Variants in GLYATL2 observed in about 807,000 individuals in gnomAD.
The protein encoded by GLYATL2 is glycine N-acyltransferase-like protein 2.
In GLYATL2, 25 loss-of-function variants were observed where a neutral mutation model predicts 21.4. The ratio of observed to expected loss-of-function variants is 1.17; its 90% CI spans 0.85 to 1.63. GLYATL2 has a LOEUF of 1.63. GLYATL2 is among the 40% of genes most tolerant of loss of function. The probability of loss-of-function intolerance (pLI) is 0.00; values close to 1 mark genes in which losing one functional copy is unlikely to be tolerated. For synonymous variants in GLYATL2, 114 were observed against 118.2 expected, an observed-to-expected ratio of 0.96 and a Z score of 0.23; for missense variants, 361 against 343.3, an observed-to-expected ratio of 1.05 and a Z score of -0.41.
chr11:58,862,477 T>C (rs1424452345), intron 1 of GLYATL2, among the ~76,000 whole-genome samples: 2 of 152,198 alleles, frequency 1.3e-5, no homozygotes, highest in Non-Finnish European at 2.9e-5. Flanking sequence ...ATAATTACCA[T>C]AGGATTTATT....
At chr11:58,842,106 A>G (rs922976226) in intron 1 of GLYATL2, among the ~76,000 whole-genome samples, 6 of 152,200 alleles carry the variant, frequency 3.9e-5, no homozygotes, top group Admixed American at 2.6e-4. Flanking sequence ...CAGGACATAG[A>G]AAGGTGACAG....
chr11:58,864,079 G>T (rs540434600), intron 1 of GLYATL2, among the ~76,000 whole-genome samples: 1 of 152,298 alleles, frequency 6.6e-6, no homozygotes, highest in South Asian at 2.1e-4. Flanking sequence ...CTAGTTTTGG[G>T]CTAGTCTGGC....
intron 1 of GLYATL2, among the ~76,000 whole-genome samples, chr11:58,878,723 A>G (rs1854282029): frequency 6.6e-6 from 1 of 152,204 alleles, no homozygotes; most frequent in Non-Finnish European, 1.5e-5. Flanking sequence ...GAGTAAAGCC[A>G]GTATTTTAGG....
rs138879339 is a variant in GLYATL2 at position 58,868,162 on chromosome 11, G to A, written n.61-29794C>T. Reference sequence around the variant, plus strand: ...AGCATAGGCAGACTTGAGGCAGATTGCAGCTAGCACTGGCACTGGAATTGA... The same window carrying A: ...AGCATAGGCAGACTTGAGGCAGATTACAGCTAGCACTGGCACTGGAATTGA... On this transcript the variant is annotated intron_variant and non_coding_transcript_variant, in intron 1 of 4. Coordinates refer to the GLYATL2 transcript ENST00000533636. Among the ~76,000 whole-genome samples, 812 of 149,102 alleles carry A rather than the reference G, an allele frequency of 5.4e-3. 26 individuals are homozygous for A. The highest frequency in any genetic ancestry group is 0.019 in the African/African-American group (778 of 41,368).
chr11:58,844,102 G>T (rs1853600425), intron 1 of GLYATL2, among the ~76,000 whole-genome samples: 1 of 151,426 alleles, frequency 6.6e-6, no homozygotes. Flanking sequence ...GGAGAATATT[G>T]ATTTTTTTTT....
upstream of GLYATL2, among the ~76,000 whole-genome samples, chr11:58,847,405 A>C (rs939033013): frequency 6.6e-6 from 1 of 152,176 alleles, no homozygotes; most frequent in Non-Finnish European, 1.5e-5. Context: ...GACATCCCCA[A>C]TTGCAGGACT....
At chr11:58,881,098 G>T (rs188211710) in intron 1 of GLYATL2, among the ~76,000 whole-genome samples, 27 of 152,086 alleles carry the variant, frequency 1.8e-4, no homozygotes, top group East Asian at 7.7e-4. Flanking sequence ...TATATGACAT[G>T]TTGATTATTA....
At chr11:58,841,220 G>A (rs1185334583) in intron 1 of GLYATL2, among the ~76,000 whole-genome samples, 1 of 152,108 alleles carries the variant, frequency 6.6e-6, no homozygotes, top group African/African-American at 2.4e-5. Flanking sequence ...ATCTATGTAT[G>A]CATGTATATA....
chr11:58,888,781 A>T (rs79576565), intron 1 of GLYATL2, among the ~76,000 whole-genome samples: 1 of 151,952 alleles, frequency 6.6e-6, no homozygotes, highest in Non-Finnish European at 1.5e-5. Flanking sequence ...ATGCAATTGC[A>T]TACATTGTAC....
intron 1 of GLYATL2, among the ~76,000 whole-genome samples, chr11:58,874,618 C>T (rs1854191663): frequency 6.6e-6 from 1 of 152,154 alleles, no homozygotes; most frequent in South Asian, 2.1e-4. Context: ...TTTCTTAATC[C>T]TGAGTTCTAG....
intron 2 of GLYATL2, among the ~76,000 whole-genome samples, chr11:58,838,969 G>A (rs1853494178): frequency 6.6e-6 from 1 of 152,048 alleles, no homozygotes; most frequent in African/African-American, 2.4e-5. Context: ...GAGAATGAGA[G>A]CAAGTTATTA....
rs968037020 is a variant in GLYATL2, at chr11:58,887,699, A to G, written n.60+16457T>C. Among the ~76,000 whole-genome samples the G allele has an allele frequency of 4.7e-4, 71 of 152,326 alleles. 2 individuals carry two copies. Among genetic ancestry groups the G allele is most frequent in the African/African-American group, 1.5e-3 (64 of 41,582 alleles). On this transcript the variant is annotated intron_variant and non_coding_transcript_variant, in intron 1 of 4. Coordinates refer to the GLYATL2 transcript ENST00000533636. ...ACATATTCATTTTAATAACTGTGGCATTCCATAGAGTCAATGCAATGCTAT... is the reference window on the plus strand; with the variant it reads ...ACATATTCATTTTAATAACTGTGGCGTTCCATAGAGTCAATGCAATGCTAT...
At chr11:58,901,223 A>G (rs1854734725) in intron 1 of GLYATL2, among the ~76,000 whole-genome samples, 3 of 152,194 alleles carry the variant, frequency 2.0e-5, no homozygotes, top group African/African-American at 4.8e-5. Flanking sequence ...ACTCACTTCT[A>G]AGAAATGCAA....
intron 1 of GLYATL2, among the ~76,000 whole-genome samples, chr11:58,870,637 C>G (rs530458158): frequency 1.3e-5 from 2 of 152,318 alleles, no homozygotes; most frequent in African/African-American, 2.4e-5. Flanking sequence ...GCAGATGACA[C>G]AAGCCTCCTG....
chr11:58,867,560 C>T (rs1854043466), intron 1 of GLYATL2, among the ~76,000 whole-genome samples: 1 of 148,736 alleles, frequency 6.7e-6, no homozygotes, highest in African/African-American at 2.4e-5. Flanking sequence ...CTGGAGAGAC[C>T]TAGAATCAGA....
At chr11:58,899,040 T>C (rs1420310484) in intron 1 of GLYATL2, among the ~76,000 whole-genome samples, 1 of 152,122 alleles carries the variant, frequency 6.6e-6, no homozygotes, top group Non-Finnish European at 1.5e-5. Flanking sequence ...GATGACCAAA[T>C]TTAATTTTTT....
intron 1 of GLYATL2, among the ~76,000 whole-genome samples, chr11:58,851,176 A>G (rs1190895802): frequency 1.3e-5 from 2 of 152,038 alleles, no homozygotes; most frequent in East Asian, 3.9e-4. Flanking sequence ...CGGGGCCACT[A>G]CTGGTCTCCG....
rs542245840 is a variant in GLYATL2, at chr11:58,858,412, C to T, written n.61-20044G>A. The stretch of plus-strand genomic sequence containing the variant: ...TCTGTAACTTTAAATTTAGATAATG[C>T]TTTGTTATAAATTTTTACACCTTTC... On this transcript the variant is annotated intron_variant and non_coding_transcript_variant, in intron 1 of 4. Transcript: ENST00000533636. Among the ~76,000 whole-genome samples the T allele has an allele frequency of 2.6e-5, 4 of 152,032 alleles. No homozygotes were observed. In the South Asian group the frequency reaches 8.3e-4, roughly 32 times the overall value.
chr11:58,873,647 T>C (rs752899650), intron 1 of GLYATL2, among the ~76,000 whole-genome samples: 70 of 152,336 alleles, frequency 4.6e-4, no homozygotes, highest in Admixed American at 7.2e-4. Flanking sequence ...CACTTGATCA[T>C]GGTGGATAAG....
Sources: gnomAD v4.1 joint callset for allele counts (sites outside exome capture counted in the v4.1 genomes callset) on GRCh38, gnomAD v4.1.1 for gene constraint, MANE v1.5 for transcripts, NCBI Gene and HGNC (gene_info 2026-07-23, HGNC 2026-07-21) for gene names.